Variants in TCF4 observed in about 807,000 individuals in gnomAD.
TCF4 encodes transcription factor 4.
In TCF4, 3 loss-of-function variants were observed where a neutral mutation model predicts 82.1. The observed-to-expected ratio is 0.04, with a 90% CI of 0.02 to 0.09. The LOEUF (loss-of-function observed/expected upper bound fraction) is 0.09, where lower values mean the gene tolerates loss of function less well. TCF4 is among the 10% of genes least tolerant of loss of function. The pLI is 1.00. For missense variants in TCF4, 518 were observed against 852.7 expected, an observed-to-expected ratio of 0.61 and a Z score of 4.89; for synonymous variants, 276 against 309.6, an observed-to-expected ratio of 0.89 and a Z score of 1.14.
intron 10 of TCF4, among the ~76,000 whole-genome samples, chr18:55,271,061 T>A (rs980168505): frequency 3.3e-5 from 5 of 152,086 alleles, no homozygotes; most frequent in African/African-American, 1.2e-4. Flanking sequence ...GTCACGGGTA[T>A]TTAAAACCCA....
chr18:55,263,328 A>C (rs1300039953), intron 11 of TCF4, among the ~76,000 whole-genome samples: 1 of 152,198 alleles, frequency 6.6e-6, no homozygotes, highest in Non-Finnish European at 1.5e-5. Flanking sequence ...AGGGTCTGAC[A>C]TCATACAATT....
intron 5 of TCF4, among the ~76,000 whole-genome samples, chr18:55,442,986 A>G (rs2143997474): frequency 6.6e-6 from 1 of 152,312 alleles, no homozygotes; most frequent in East Asian, 1.9e-4. Flanking sequence ...TGTGGGTGTG[A>G]CCAAACAGAG....
chr18:55,230,634 T>A (rs575937451), intron 17 of TCF4: 1 of 152,182 alleles, frequency 6.6e-6, no homozygotes, highest in Non-Finnish European at 1.5e-5. Flanking sequence ...ACATTGGAAA[T>A]GTTCACAGAA....
At chr18:55,602,544 C>T (rs10503005) in intron 2 of TCF4, among the ~76,000 whole-genome samples, 4,537 of 152,236 alleles carry the variant, frequency 0.03, 229 homozygotes, top group African/African-American at 0.1. Flanking sequence ...AGATAGATGA[C>T]TCTCCTTTTA....
chr18:55,575,655 T>C (rs778125547), intron 3 of TCF4, among the ~76,000 whole-genome samples: 3 of 152,196 alleles, frequency 2.0e-5, no homozygotes, highest in Non-Finnish European at 4.4e-5. Flanking sequence ...TCATTTGAAT[T>C]TTTGGCTTCA....
intron 3 of TCF4, among the ~76,000 whole-genome samples, chr18:55,579,579 C>G (rs2097558233): frequency 6.6e-6 from 1 of 151,920 alleles, no homozygotes; most frequent in East Asian, 1.9e-4. Context: ...TGGCCAAGAA[C>G]ATTTTGGTTT....
intron 9 of TCF4, 104 bp from the exon 10 acceptor site, chr18:55,275,856 A>AG: frequency 1.4e-6 from 2 of 1,451,590 alleles, no homozygotes; most frequent in Non-Finnish European, 9.6e-7. Flanking sequence ...TGTGTTATTC[A>AG]TCTTTGTGTT....
At chr18:55,589,704 A>C (rs374170704), upstream of TCF4, 16 of 1,030,792 alleles carry the variant, frequency 1.6e-5, no homozygotes, top group Middle Eastern at 4.5e-4. Flanking sequence ...CCTCCTCCTC[A>C]TCATCATCAC....
At chr18:55,626,802 C>A (rs2097726918) in intron 2 of TCF4, among the ~76,000 whole-genome samples, 1 of 152,096 alleles carries the variant, frequency 6.6e-6, no homozygotes, top group African/African-American at 2.4e-5. Context: ...TTCCAGTTTT[C>A]TTTTTTGTAA....
chr18:55,457,330 G>C (rs1182705934), intron 5 of TCF4, among the ~76,000 whole-genome samples: 1 of 152,212 alleles, frequency 6.6e-6, no homozygotes, highest in Non-Finnish European at 1.5e-5. Flanking sequence ...AAGTCTTCTA[G>C]CATGATACAT....
chr18:55,420,575 T>C (rs917926389), intron 5 of TCF4, among the ~76,000 whole-genome samples: 1 of 152,196 alleles, frequency 6.6e-6, no homozygotes, highest in African/African-American at 2.4e-5. Flanking sequence ...CGGGGGCTAA[T>C]ACCATGCTAG....
intron 6 of TCF4, among the ~76,000 whole-genome samples, chr18:55,394,948 A>G (rs1322444018): frequency 6.6e-6 from 1 of 152,210 alleles, no homozygotes; most frequent in Non-Finnish European, 1.5e-5. Context: ...CTTCTTTTCT[A>G]AAGTCTTTTT....
chr18:55,348,141 A>C (rs2081579964), intron 8 of TCF4, among the ~76,000 whole-genome samples: 1 of 152,192 alleles, frequency 6.6e-6, no homozygotes, highest in Admixed American at 6.5e-5. Flanking sequence ...AGCCATGTGG[A>C]TCTTGTTGTA....
upstream of TCF4, chr18:55,588,321 G>C (rs2097672750): frequency 3.4e-6 from 5 of 1,475,096 alleles, no homozygotes; most frequent in South Asian, 6.8e-5. Flanking sequence ...AAAGAAATGG[G>C]TGGGGGGGCT....
intron 3 of TCF4, among the ~76,000 whole-genome samples, chr18:55,568,302 T>A (rs1358057964): frequency 6.6e-6 from 1 of 150,558 alleles, no homozygotes; most frequent in African/African-American, 2.4e-5. Flanking sequence ...GAGTAATAAA[T>A]AAGAAAAACT....
chr18:55,439,750 TCTCA>T (rs1275179286), intron 5 of TCF4, among the ~76,000 whole-genome samples: 14 of 152,076 alleles, frequency 9.2e-5, no homozygotes, highest in Non-Finnish European at 1.0e-4. Flanking sequence ...TGAGACGGAG[TCTCA>T]CTCTGTCACC....
At chr18:55,358,590 G>A (rs970119573) in intron 6 of TCF4, among the ~76,000 whole-genome samples, 1 of 152,244 alleles carries the variant, frequency 6.6e-6, no homozygotes, top group African/African-American at 2.4e-5. Flanking sequence ...AAGCAGTGGA[G>A]CCAAGCTGGG....
chr18:55,315,698 A>G lies in TCF4; in HGVS notation c.549+34661T>C, dbSNP rs892163021. Among the ~76,000 whole-genome samples, 2 of 152,186 alleles carry G rather than the reference A, an allele frequency of 1.3e-5. 1 individual carries two copies. The highest frequency in any genetic ancestry group is 1.3e-4 in the Admixed American group (2 of 15,270). On this transcript the variant is annotated intron_variant, in intron 8 of 19. Coordinates refer to ENST00000354452, the MANE Select transcript of TCF4 (RefSeq NM_001083962.2). ...CTAAAATGATATGATAATGTGCCAA[A>G]TAGTTTATTACAGAATTTGAAATGT...
At chr18:55,406,917 T>C (rs1180869488) in intron 5 of TCF4, among the ~76,000 whole-genome samples, 1 of 152,186 alleles carries the variant, frequency 6.6e-6, no homozygotes, top group Non-Finnish European at 1.5e-5. Flanking sequence ...ACAAAGACAA[T>C]GGTGGCAGTG....
Sources: gnomAD v4.1 joint callset for allele counts (sites outside exome capture counted in the v4.1 genomes callset) on GRCh38, gnomAD v4.1.1 for gene constraint, MANE v1.5 for transcripts, NCBI Gene and HGNC (gene_info 2026-07-23, HGNC 2026-07-21) for gene names.